MMS19: variants seen among roughly 807,000 people sequenced by gnomAD.
The protein encoded by MMS19 is MMS19 nucleotide excision repair protein homolog.
MMS19 carries 77 observed loss-of-function variants against 129.8 expected under a neutral mutation model. The ratio of observed to expected loss-of-function variants is 0.59; its 90% CI spans 0.49 to 0.72. The LOEUF is 0.72. MMS19 is among the 30% of genes least tolerant of loss of function. The probability of loss-of-function intolerance (pLI) is 0.00; values close to 1 mark genes in which losing one functional copy is unlikely to be tolerated. For synonymous variants in MMS19, 491 were observed against 502.8 expected, an observed-to-expected ratio of 0.98 and a Z score of 0.31; for missense variants, 1,168 against 1,266.3, an observed-to-expected ratio of 0.92 and a Z score of 1.18.
chr10:97,476,658 A>C (rs748963458), intron 8 of MMS19, 25 bp downstream of exon 8: 28 of 1,611,206 alleles, frequency 1.7e-5, no homozygotes, highest in Non-Finnish European at 2.4e-5. Context: ...TAAATATATG[A>C]TCAAACAATG....
intron 1 of MMS19, among the ~76,000 whole-genome samples, chr10:97,486,326 C>T (rs965864315): frequency 4.6e-5 from 7 of 152,150 alleles, no homozygotes; most frequent in South Asian, 2.1e-4. Context: ...GGATTACAGG[C>T]GCATGCCACC....
intron 14 of MMS19, 35 bp from the exon 15 acceptor site, chr10:97,466,936 C>G: frequency 6.2e-7 from 1 of 1,611,968 alleles, no homozygotes; most frequent in South Asian, 1.1e-5. Context: ...TAGAAGGAAG[C>G]CACTGCATTC....
chr10:97,462,842 G>A, intron 19 of MMS19, 160 bp from the exon 20 acceptor site: 1 of 638,866 alleles, frequency 1.6e-6, no homozygotes, highest in South Asian at 1.8e-5. Context: ...GAGAATCAGG[G>A]CACCAGAAAC....
In MMS19 at chr10:97,470,357, C is replaced by T. The variant is rs530790138; in HGVS notation, c.772-154G>A. The stretch of plus-strand genomic sequence containing the variant: ...CTATGAATGTAAGCTAACCTTCCTG[C>T]CAAGCAGTGACCAGAGCCCCACTAC... On this transcript the variant is annotated intron_variant, in intron 9 of 30. Coordinates refer to ENST00000438925, the MANE Select transcript of MMS19 (RefSeq NM_022362.5). Among the ~76,000 whole-genome samples, 99 of 152,316 alleles carry T rather than the reference C, an allele frequency of 6.5e-4. 1 individual carries two copies. The South Asian group carries it at 0.02, about 31-fold the overall frequency.
Position 97,461,591 on chromosome 10 carries a change from C to T in MMS19, c.2216G>A (p.Arg739Gln), listed in dbSNP as rs1457967840. 7.5e-6 allele frequency: 12 copies of T among 1,600,262 alleles called. No homozygotes were observed. Among genetic ancestry groups the T allele is most frequent in the African/African-American group, 1.3e-5 (1 of 74,590 alleles). Residue 739 changes from arginine to glutamine, a missense_variant, in exon 23 of 31, where the codon CGG (arginine) becomes CAG (glutamine). Arg to Gln is a conservative substitution (Grantham distance 43). Around this residue, in one of 3 missense-constraint regions of MMS19, gnomAD observed 831 missense variants for 910.8 expected, o/e 0.91. Coordinates refer to ENST00000438925, the MANE Select transcript of MMS19 (RefSeq NM_022362.5). ...VEIPQLNQLM[R>Q]ELLELSCCHS... ...GCAGCAGCTCAGTTCCAAAAGCTCC[C>T]GCATGAGTTGGTTCAGCTGAGGGAT...
chr10:97,494,781 G>C (rs1228027656), intron 1 of MMS19, among the ~76,000 whole-genome samples: 4 of 152,114 alleles, frequency 2.6e-5, no homozygotes, highest in Non-Finnish European at 5.9e-5. Context: ...CAAAACCTTG[G>C]GGTCTTCTTA....
intron 1 of MMS19, among the ~76,000 whole-genome samples, chr10:97,492,855 T>G (rs2039151670): frequency 2.4e-5 from 1 of 41,476 alleles, no homozygotes; most frequent in Non-Finnish European, 4.9e-5. Flanking sequence ...CAAGACTTCA[T>G]CTCCCAAAAA....
At chr10:97,485,511 C>T (rs558022411) in intron 1 of MMS19, among the ~76,000 whole-genome samples, 67 of 152,310 alleles carry the variant, frequency 4.4e-4, no homozygotes, top group African/African-American at 1.5e-3. Flanking sequence ...TGGGGTTTTG[C>T]CATGTTGGCC....
intron 1 of MMS19, among the ~76,000 whole-genome samples, chr10:97,494,014 CA>C (rs374401548): frequency 7.2e-5 from 11 of 152,286 alleles, no homozygotes; most frequent in African/African-American, 2.6e-4. Context: ...AACTCCATCT[CA>C]AAAGCAAACA....
At position 97,482,731 on chromosome 10, in the gene MMS19, TATATATACAC is replaced by T. The variant is rs1226635701; in HGVS notation, c.161+1362_161+1371del. Among the ~76,000 whole-genome samples the T allele has an allele frequency of 1.9e-4, 18 of 95,044 alleles. No homozygotes were observed. In the East Asian group the frequency reaches 3.1e-3, roughly 16 times the overall value. 62.4% of individuals were successfully genotyped at this position (95,044 alleles called of 152,430 possible). ...CTGTGTGTGTGTGTGTGTGTGTGTA[TATATATACAC>T]ACACACACACACACACACACACACA... On this transcript the variant is annotated intron_variant, in intron 2 of 30. Transcript: ENST00000438925.
At chr10:97,461,786 G>T in intron 22 of MMS19, 42 bp downstream of exon 22, 1 of 1,582,432 alleles carries the variant, frequency 6.3e-7, no homozygotes, top group Non-Finnish European at 8.6e-7. Flanking sequence ...GAGTCACCTT[G>T]TCAAGGTTAA....
rs1261436194 is a variant in MMS19 at position 97,466,133 on chromosome 10, C to G, written c.1532G>C (p.Gly511Ala). The G allele has an allele frequency of 1.9e-6, 3 of 1,580,310 alleles. No homozygotes were observed. The East Asian group carries it at 7.0e-5, about 37-fold the overall frequency. The stretch of plus-strand genomic sequence containing the variant: ...CACAGGGTAGAGAGCAGCCAGGGTT[C>G]CTGATGCTTCCAGTGCTGCCACCCT... ...SCRVAALEAS[G>A]TLAALYPVAF... The change falls in exon 17 of 31, where the codon GGA becomes GCA. Residue 511 changes from glycine to alanine, a missense_variant. Around this residue, in one of 3 missense-constraint regions of MMS19, gnomAD observed 831 missense variants for 910.8 expected, o/e 0.91. Transcript: ENST00000438925.
chr10:97,490,299 C>G (rs941914658), intron 1 of MMS19, among the ~76,000 whole-genome samples: 5 of 152,116 alleles, frequency 3.3e-5, no homozygotes, highest in Admixed American at 2.0e-4. Context: ...AGGCTGGTCT[C>G]AAATTCCTGG....
chr10:97,495,041 C>T (rs2039537508), intron 1 of MMS19, among the ~76,000 whole-genome samples: 3 of 152,196 alleles, frequency 2.0e-5, no homozygotes, highest in Non-Finnish European at 2.9e-5. Flanking sequence ...AAGATTCTGA[C>T]GTATGAGATG....
intron 19 of MMS19, among the ~76,000 whole-genome samples, chr10:97,463,249 G>A (rs2032557117): frequency 6.8e-6 from 1 of 147,466 alleles, no homozygotes; most frequent in Non-Finnish European, 1.5e-5. Context: ...ATGCCTCACT[G>A]CAGCCTTGAA....
At chr10:97,490,100 G>C (rs1374786828) in intron 1 of MMS19, among the ~76,000 whole-genome samples, 1 of 151,740 alleles carries the variant, frequency 6.6e-6, no homozygotes, top group Non-Finnish European at 1.5e-5. Context: ...ATATTATTTG[G>C]ATTTTTTTTT....
At position 97,459,431 on chromosome 10, in the gene MMS19, G is replaced by A. The variant is rs751106082; in HGVS notation, c.2835C>T (p.Pro945=). The change falls in exon 28 of 31, where the codon CCC becomes CCT. Residue 945 remains proline, a synonymous_variant. Transcript: ENST00000438925. ...SCLQPLLLEA[P]QVMSLHVDTL... Reference sequence around the variant, plus strand: ...TGTCCACGTGAAGACTCATGACTTGGGGTGCTTCCAGTAGAAGAGGCTGAA... The same window carrying A: ...TGTCCACGTGAAGACTCATGACTTGAGGTGCTTCCAGTAGAAGAGGCTGAA... 1 of 1,609,812 alleles carries A rather than the reference G, an allele frequency of 6.2e-7. No homozygotes were observed. Among genetic ancestry groups the A allele is most frequent in the African/African-American group, 1.3e-5 (1 of 74,998 alleles).
chr10:97,478,523 G>T, intron 3 of MMS19, 134 bp from the exon 4 acceptor site: 1 of 637,146 alleles, frequency 1.6e-6, no homozygotes, highest in Non-Finnish European at 2.8e-6. Flanking sequence ...CAAGAGACAT[G>T]TCCTGTGCCT....
chr10:97,460,158 GCAGT>G lies in MMS19; in HGVS notation c.2540_2543del (p.Asp847AlafsTer5), dbSNP rs1398563093. 2 of 1,614,040 alleles carry G rather than the reference GCAGT, an allele frequency of 1.2e-6. No homozygotes were observed. Among genetic ancestry groups the G allele is most frequent in the South Asian group, 2.2e-5 (2 of 91,088 alleles). ...GGCCAGCACGAGTCAGCACATCAGT[GCAGT>G]CAGACATGAGCAGAGAGAAGCCATC... On this transcript the variant is annotated frameshift_variant, in exon 26 of 31. Coordinates refer to ENST00000438925, the MANE Select transcript of MMS19 (RefSeq NM_022362.5). LOFTEE classifies it high-confidence loss of function.
Sources: allele counts gnomAD v4.1 joint callset (sites outside exome capture counted in the v4.1 genomes callset), GRCh38; gene constraint gnomAD v4.1.1; regional missense constraint gnomAD v4.1.1; transcripts MANE v1.5; gene names NCBI Gene and HGNC (gene_info 2026-07-23, HGNC 2026-07-21).